FIG4: variants seen among roughly 807,000 people sequenced by gnomAD.
FIG4 encodes polyphosphoinositide phosphatase.
A neutral mutation model predicts 118.6 loss-of-function variants in FIG4; 112 were observed. The ratio of observed to expected loss-of-function variants is 0.94; its 90% CI spans 0.81 to 1.11. FIG4 has a LOEUF of 1.11. Among genes scored for constraint, FIG4 ranks in the 50% least tolerant of loss-of-function variants. The probability of loss-of-function intolerance (pLI) is 0.00; values close to 1 mark genes in which losing one functional copy is unlikely to be tolerated. For synonymous variants in FIG4, 369 were observed against 381.2 expected (o/e 0.97, Z 0.37); for missense variants, 969 against 1,111.7 (o/e 0.87, Z 1.83).
chr6:109,808,521 T>G (rs1188989758), intron 22 of FIG4, among the ~76,000 whole-genome samples: 1 of 152,230 alleles, frequency 6.6e-6, no homozygotes, highest in African/African-American at 2.4e-5. Context: ...CATATCATAA[T>G]ACTTGTATTT....
chr6:109,729,596 G>T (rs940052912), intron 4 of FIG4, among the ~76,000 whole-genome samples: 5 of 152,022 alleles, frequency 3.3e-5, no homozygotes, highest in Non-Finnish European at 7.4e-5. Flanking sequence ...TCTCGGAACT[G>T]ATGAAAGAGT....
chr6:109,787,329 A>G (rs971209899), intron 18 of FIG4, among the ~76,000 whole-genome samples: 1 of 152,210 alleles, frequency 6.6e-6, no homozygotes, highest in African/African-American at 2.4e-5. Flanking sequence ...TTTGTGTGGT[A>G]CATAGAAACA....
At chr6:109,734,243 T>C (rs1776094488) in intron 5 of FIG4, among the ~76,000 whole-genome samples, 1 of 151,728 alleles carries the variant, frequency 6.6e-6, no homozygotes. Flanking sequence ...AACAAATTTG[T>C]ATAAAATATT....
intron 3 of FIG4, among the ~76,000 whole-genome samples, chr6:109,719,523 A>G (rs1176908860): frequency 6.6e-6 from 1 of 151,642 alleles, no homozygotes; most frequent in African/African-American, 2.4e-5. Context: ...AGCTGGGACT[A>G]CAGGCATATG....
intron 10 of FIG4, 62 bp downstream of exon 10, chr6:109,743,834 C>T: frequency 8.7e-7 from 1 of 1,154,846 alleles, no homozygotes; most frequent in Non-Finnish European, 1.3e-6. Flanking sequence ...TCTTCCTCAA[C>T]ACAGAGGGGG....
intron 1 of FIG4, among the ~76,000 whole-genome samples, chr6:109,712,340 A>C (rs1390487168): frequency 2.0e-5 from 3 of 152,174 alleles, no homozygotes; most frequent in African/African-American, 7.2e-5. Flanking sequence ...TGATATCCTG[A>C]AATATGTTTT....
intron 8 of FIG4, among the ~76,000 whole-genome samples, chr6:109,742,680 A>G (rs1259533683): frequency 3.3e-5 from 5 of 151,836 alleles, no homozygotes; most frequent in African/African-American, 9.7e-5. Flanking sequence ...TCAAAACCCT[A>G]TTTTTTCCTT....
At chr6:109,718,754 G>A (rs541694899) in intron 3 of FIG4, among the ~76,000 whole-genome samples, 8 of 152,132 alleles carry the variant, frequency 5.3e-5, no homozygotes, top group Admixed American at 4.6e-4. Flanking sequence ...GAGTTCATGT[G>A]CTTAAATGCC....
At chr6:109,750,917 T>C (rs1314776702) in intron 10 of FIG4, among the ~76,000 whole-genome samples, 1 of 152,214 alleles carries the variant, frequency 6.6e-6, no homozygotes, top group African/African-American at 2.4e-5. Context: ...AAATTTCAGA[T>C]ATATAATTTA....
chr6:109,793,916 A>AC (rs1778207123), intron 21 of FIG4, among the ~76,000 whole-genome samples: 1 of 152,192 alleles, frequency 6.6e-6, no homozygotes, highest in African/African-American at 2.4e-5. Flanking sequence ...TGACACACAA[A>AC]CACACAGTAC....
intron 2 of FIG4, among the ~76,000 whole-genome samples, chr6:109,716,025 G>T (rs987173791): frequency 6.6e-6 from 1 of 152,132 alleles, no homozygotes; most frequent in Admixed American, 6.5e-5. Flanking sequence ...ATAATGTAAT[G>T]GTTCTTGGCT....
chr6:109,757,185 A>T (rs964587683), intron 10 of FIG4, among the ~76,000 whole-genome samples: 1 of 151,830 alleles, frequency 6.6e-6, no homozygotes, highest in Admixed American at 6.6e-5. Context: ...AGAGTTTTTC[A>T]TGTCTGTATC....
intron 22 of FIG4, among the ~76,000 whole-genome samples, chr6:109,818,206 T>C (rs1778913828): frequency 6.6e-6 from 1 of 152,098 alleles, no homozygotes; most frequent in South Asian, 2.1e-4. Flanking sequence ...ACATAACTTT[T>C]TTTTTTTTTT....
At position 109,699,019 on chromosome 6, in the gene FIG4, C is replaced by G. The variant is rs537076706; in HGVS notation, c.66+7518C>G. On this transcript the variant is annotated intron_variant, in intron 1 of 22. Coordinates refer to ENST00000230124, the MANE Select transcript of FIG4 (RefSeq NM_014845.6). ...AAATGAGTTAAAAAGTGTTCATTTT[C>G]TGAAAGTGATTATATGATTGGTATT... Among the ~76,000 whole-genome samples, 6 of 152,198 alleles carry G rather than the reference C, an allele frequency of 3.9e-5. No homozygotes were observed. In the South Asian group the frequency reaches 1.2e-3, roughly 32 times the overall value.
intron 1 of FIG4, among the ~76,000 whole-genome samples, chr6:109,707,279 G>T (rs543236782): frequency 6.9e-6 from 1 of 145,412 alleles, no homozygotes; most frequent in Admixed American, 7.0e-5. Context: ...GTGTGTGTGT[G>T]TATATATATA....
intron 22 of FIG4, among the ~76,000 whole-genome samples, chr6:109,824,081 C>T (rs1044219450): frequency 3.9e-5 from 6 of 152,110 alleles, no homozygotes; most frequent in Non-Finnish European, 7.3e-5. Flanking sequence ...ATGTCAGACA[C>T]GGAGCTGCAT....
At chr6:109,764,352 C>T (rs889607416) in intron 13 of FIG4, among the ~76,000 whole-genome samples, 11 of 151,516 alleles carry the variant, frequency 7.3e-5, no homozygotes, top group Admixed American at 5.3e-4. Flanking sequence ...GCAGGAGAAT[C>T]GCTTGAATCT....
In FIG4 at chr6:109,812,539, T is replaced by C. The variant is rs79383737; in HGVS notation, c.2547-12549T>C. 1.8e-4 allele frequency among the ~76,000 whole-genome samples: 28 copies of C among 151,782 alleles called. No homozygotes were observed. In the East Asian group the frequency reaches 5.1e-3, roughly 27 times the overall value. On this transcript the variant is annotated intron_variant, in intron 22 of 22. Coordinates refer to ENST00000230124, the MANE Select transcript of FIG4 (RefSeq NM_014845.6). ...GAAATAGGAGGAAACTCAAGAGGAGTTGGTTTCATGGGAGCCAAGAGAAGA... is the reference window on the plus strand; with the variant it reads ...GAAATAGGAGGAAACTCAAGAGGAGCTGGTTTCATGGGAGCCAAGAGAAGA...
chr6:109,758,983 A>G (rs1179404777), intron 10 of FIG4, among the ~76,000 whole-genome samples: 6 of 152,222 alleles, frequency 3.9e-5, no homozygotes, highest in African/African-American at 1.2e-4. Context: ...AGAAGTAGGA[A>G]CGCTTTTACA....
Sources: allele counts gnomAD v4.1 joint callset (sites outside exome capture counted in the v4.1 genomes callset), GRCh38; gene constraint gnomAD v4.1.1; transcripts MANE v1.5; gene names NCBI Gene and HGNC (gene_info 2026-07-23, HGNC 2026-07-21).